Variants in CNTNAP2 observed in about 807,000 individuals in gnomAD.
The protein encoded by CNTNAP2 is contactin-associated protein-like 2.
A neutral mutation model predicts 155.2 loss-of-function variants in CNTNAP2; 98 were observed. The observed-to-expected ratio is 0.63, with a 90% CI of 0.54 to 0.75. The LOEUF (loss-of-function observed/expected upper bound fraction) is 0.75. Ranked by LOEUF, CNTNAP2 falls within the 30% of genes least tolerant of loss-of-function variation. The pLI, the probability that CNTNAP2 is intolerant of heterozygous loss-of-function variation, is 0.00. For synonymous variants in CNTNAP2, 651 were observed against 631.2 expected, an observed-to-expected ratio of 1.03 and a Z score of -0.47; for missense variants, 1,727 against 1,688.1, an observed-to-expected ratio of 1.02 and a Z score of -0.40.
chr7:147,467,868 A>AC (rs1798147161), intron 10 of CNTNAP2, among the ~76,000 whole-genome samples: 1 of 151,524 alleles, frequency 6.6e-6, no homozygotes, highest in South Asian at 2.1e-4. Flanking sequence ...TGTCTCTAAA[A>AC]AAAATTTTAA....
chr7:146,937,699 G>C (rs1199243747), intron 3 of CNTNAP2, among the ~76,000 whole-genome samples: 1 of 152,176 alleles, frequency 6.6e-6, no homozygotes, highest in East Asian at 1.9e-4. Flanking sequence ...AAAAATGCAC[G>C]TGTAAGAGAG....
intron 8 of CNTNAP2, among the ~76,000 whole-genome samples, chr7:147,133,189 G>A (rs1400676321): frequency 6.6e-6 from 1 of 152,094 alleles, no homozygotes. Flanking sequence ...ACAGTACAAA[G>A]AAAGGTGACA....
intron 9 of CNTNAP2, among the ~76,000 whole-genome samples, chr7:147,372,255 G>T (rs1397578895): frequency 6.6e-6 from 1 of 152,102 alleles, no homozygotes; most frequent in Admixed American, 6.6e-5. Flanking sequence ...TGCTGACAAA[G>T]TGAGTCTTCT....
chr7:146,895,345 C>T (rs1795854362), intron 3 of CNTNAP2, among the ~76,000 whole-genome samples: 1 of 148,474 alleles, frequency 6.7e-6, no homozygotes, highest in African/African-American at 2.5e-5. Context: ...TCCTTTCTCT[C>T]TCTTTCTCTC....
intron 3 of CNTNAP2, among the ~76,000 whole-genome samples, chr7:147,014,347 T>C (rs1317946698): frequency 2.6e-5 from 4 of 152,178 alleles, no homozygotes; most frequent in Non-Finnish European, 4.4e-5. Flanking sequence ...TAATTTGTAA[T>C]ACATTGGTTT....
At chr7:146,708,571 GAAAA>G (rs35109376) in intron 1 of CNTNAP2, among the ~76,000 whole-genome samples, 4 of 73,026 alleles carry the variant, frequency 5.5e-5, no homozygotes, top group Non-Finnish European at 9.4e-5. Flanking sequence ...CTCTGTTTAA[GAAAA>G]AAAAAAAAAG....
chr7:148,059,009 G>A (rs1028946625), intron 15 of CNTNAP2, among the ~76,000 whole-genome samples: 2 of 152,078 alleles, frequency 1.3e-5, no homozygotes, highest in African/African-American at 2.4e-5. Context: ...TCAAGGGCTC[G>A]GTGGCTCATG....
rs115772512 is a variant in CNTNAP2, at chr7:146,830,308, G to T, written c.209-9403G>T. Among the ~76,000 whole-genome samples the T allele has an allele frequency of 5.6e-3, 859 of 152,084 alleles. 6 individuals are homozygous for T. The highest frequency in any genetic ancestry group is 0.017 in the African/African-American group (695 of 41,496). On this transcript the variant is annotated intron_variant, in intron 2 of 23. Transcript: ENST00000361727. Reference sequence around the variant, plus strand: ...AATCACTTCTAGAACAATTTATTGTGGGGGAAAAGGACGGTGATTTTTGAA... The same window carrying T: ...AATCACTTCTAGAACAATTTATTGTTGGGGAAAAGGACGGTGATTTTTGAA...
At chr7:146,960,184 C>A (rs1269474044) in intron 3 of CNTNAP2, among the ~76,000 whole-genome samples, 2 of 152,306 alleles carry the variant, frequency 1.3e-5, no homozygotes, top group Admixed American at 6.5e-5. Context: ...AAATAAGTTT[C>A]TTTTTCTCCC....
chr7:147,988,770 C>G (rs1267592712), intron 15 of CNTNAP2, among the ~76,000 whole-genome samples: 1 of 152,192 alleles, frequency 6.6e-6, no homozygotes, highest in Non-Finnish European at 1.5e-5. Flanking sequence ...TTTGGTTTCT[C>G]TGCTGAACTC....
Position 147,485,945 on chromosome 7 carries a change from A to T in CNTNAP2, c.1681A>T (p.Asn561Tyr), listed in dbSNP as rs764902194. The change falls in exon 11 of 24, where the codon AAT becomes TAT. Residue 561 changes from asparagine to tyrosine, a missense_variant. By Grantham distance (143) the Asn-to-Tyr change is moderately radical. Coordinates refer to ENST00000361727, the MANE Select transcript of CNTNAP2 (RefSeq NM_014141.6). ...MCAIIDRCVP[N>Y]HCEHGGKCSQ... Reference sequence around the variant, plus strand: ...CTCTCTCTCTGACAGATGTGTGCCCAATCACTGTGAGCATGGTGGAAAGTG... The same window carrying T: ...CTCTCTCTCTGACAGATGTGTGCCCTATCACTGTGAGCATGGTGGAAAGTG... 3.7e-6 allele frequency: 6 copies of T among 1,613,960 alleles called. No homozygotes were observed. Among genetic ancestry groups the T allele is most frequent in the Non-Finnish European group, 5.1e-6 (6 of 1,179,966 alleles).
intron 21 of CNTNAP2, among the ~76,000 whole-genome samples, chr7:148,344,079 TGAAACTTTGTCA>T (rs1169550730): frequency 1.5e-4 from 23 of 152,238 alleles, no homozygotes; most frequent in South Asian, 2.1e-4. Flanking sequence ...GCAAACCTTA[TGAAACTTTGTCA>T]GATGGTCTTC....
At chr7:148,413,282 C>T (rs1172469649) in intron 23 of CNTNAP2, among the ~76,000 whole-genome samples, 2 of 150,104 alleles carry the variant, frequency 1.3e-5, no homozygotes, top group Non-Finnish European at 3.0e-5. Context: ...AGCCCAGCTA[C>T]TCGGGAGGCT....
chr7:148,008,012 C>G (rs79142447), intron 15 of CNTNAP2, among the ~76,000 whole-genome samples: 3 of 151,926 alleles, frequency 2.0e-5, no homozygotes, highest in African/African-American at 7.3e-5. Context: ...TCTATAAATG[C>G]GGAGATTTTC....
chr7:146,530,475 G>A (rs971049978), intron 1 of CNTNAP2, among the ~76,000 whole-genome samples: 1 of 152,114 alleles, frequency 6.6e-6, no homozygotes, highest in Non-Finnish European at 1.5e-5. Flanking sequence ...GTTACAAACT[G>A]TGCATCCAAC....
intron 8 of CNTNAP2, among the ~76,000 whole-genome samples, chr7:147,239,171 C>T (rs997649952): frequency 1.3e-5 from 2 of 151,994 alleles, no homozygotes; most frequent in Non-Finnish European, 2.9e-5. Flanking sequence ...TTGATAAAAA[C>T]ATTGCAAAAG....
At chr7:146,609,810 A>G (rs1216346295) in intron 1 of CNTNAP2, among the ~76,000 whole-genome samples, 1 of 152,246 alleles carries the variant, frequency 6.6e-6, no homozygotes, top group Non-Finnish European at 1.5e-5. Context: ...AGAAAAAGTT[A>G]TCATAATTCT....
chr7:146,675,432 C>A (rs1165751684), intron 1 of CNTNAP2, among the ~76,000 whole-genome samples: 1 of 152,194 alleles, frequency 6.6e-6, no homozygotes, highest in Non-Finnish European at 1.5e-5. Flanking sequence ...CTTGGCTCCA[C>A]CAAGTGACTT....
chr7:146,984,699 T>G (rs1375081395), intron 3 of CNTNAP2, among the ~76,000 whole-genome samples: 1 of 152,194 alleles, frequency 6.6e-6, no homozygotes, highest in Non-Finnish European at 1.5e-5. Context: ...CACATCCTCA[T>G]TAAGTTTATT....
Sources: allele counts gnomAD v4.1 joint callset (sites outside exome capture counted in the v4.1 genomes callset), GRCh38; gene constraint gnomAD v4.1.1; transcripts MANE v1.5; gene names NCBI Gene and HGNC (gene_info 2026-07-23, HGNC 2026-07-21).